Variants in CHCHD6 observed in about 807,000 individuals in gnomAD.
CHCHD6 encodes coiled-coil-helix-coiled-coil-helix domain containing 6.
Under a neutral mutation model 32.3 loss-of-function variants are expected in CHCHD6, and 28 were observed. That is an observed-to-expected ratio of 0.87 (90% CI 0.64 to 1.19). The LOEUF (loss-of-function observed/expected upper bound fraction) is 1.19, where lower values mean the gene tolerates loss of function less well. CHCHD6 is among the 50% of genes most tolerant of loss of function. The pLI is 0.00. For synonymous variants in CHCHD6, 122 were observed against 117.5 expected, an observed-to-expected ratio of 1.04 and a Z score of -0.25; for missense variants, 333 against 307.0, an observed-to-expected ratio of 1.08 and a Z score of -0.63.
At chr3:126,813,447 G>A (rs1040267171) in intron 4 of CHCHD6, among the ~76,000 whole-genome samples, 2 of 152,116 alleles carry the variant, frequency 1.3e-5, no homozygotes, top group Admixed American at 6.5e-5. Flanking sequence ...CTAAAGTTGC[G>A]ACTAACTCTC....
chr3:126,900,370 G>A (rs1022412656), intron 5 of CHCHD6, among the ~76,000 whole-genome samples: 20 of 152,268 alleles, frequency 1.3e-4, no homozygotes, highest in Admixed American at 5.2e-4. Context: ...AGCTTTCTGC[G>A]TTAGGCCATT....
At position 126,852,830 on chromosome 3, in the gene CHCHD6, A is replaced by C; in HGVS notation, c.495+100A>C. The C allele has an allele frequency of 6.3e-6, 5 of 797,924 alleles. No individual in the cohort carries two copies. The South Asian group carries it at 7.5e-5, about 12-fold the overall frequency. The allele number at this position is 797,924 out of a possible 1,614,324, so 49.4% of individuals were successfully genotyped here. ...GGGGGAGAGAGGAGTCCGCAGACCC[A>C]GTGCCCATTCGCCCAGATGCCAGTC... On this transcript the variant is annotated intron_variant, in intron 5 of 7. Transcript: ENST00000290913.
At chr3:126,810,893 G>C (rs1939626819) in intron 4 of CHCHD6, among the ~76,000 whole-genome samples, 1 of 152,176 alleles carries the variant, frequency 6.6e-6, no homozygotes, top group South Asian at 2.1e-4. Context: ...CAGGAGGAGA[G>C]GCTGGGCTCA....
chr3:126,749,046 C>G (rs1422956147), intron 4 of CHCHD6, among the ~76,000 whole-genome samples: 4 of 152,054 alleles, frequency 2.6e-5, no homozygotes, highest in Admixed American at 1.3e-4. Flanking sequence ...GGGAAGGAGA[C>G]AAAGAATGAG....
chr3:126,909,525 TGAA>T (rs1332470063), intron 5 of CHCHD6, among the ~76,000 whole-genome samples: 3 of 152,198 alleles, frequency 2.0e-5, no homozygotes, highest in Non-Finnish European at 4.4e-5. Context: ...GGGAAGTAAT[TGAA>T]GAAACACTGT....
At chr3:126,957,215 C>A (rs2078797927) in intron 6 of CHCHD6, 1 of 630,220 alleles carries the variant, frequency 1.6e-6, no homozygotes, top group Non-Finnish European at 2.8e-6. Flanking sequence ...AAGCCACCCA[C>A]CACAGGGCTT....
intron 4 of CHCHD6, among the ~76,000 whole-genome samples, chr3:126,746,630 C>T (rs555916517): frequency 5.9e-5 from 9 of 152,264 alleles, no homozygotes; most frequent in Admixed American, 5.9e-4. Flanking sequence ...ACCTTATCTT[C>T]GTGCTGACAC....
chr3:126,905,791 T>A (rs73207620), intron 5 of CHCHD6, among the ~76,000 whole-genome samples: 3,851 of 152,242 alleles, frequency 0.025, 60 homozygotes, highest in Middle Eastern at 0.061. Flanking sequence ...CTGAATTTGG[T>A]TGCAGCCTAA....
At chr3:126,839,712 A>G (rs1940996363) in intron 4 of CHCHD6, among the ~76,000 whole-genome samples, 1 of 151,926 alleles carries the variant, frequency 6.6e-6, no homozygotes, top group Admixed American at 6.6e-5. Flanking sequence ...TGGTCTCCCC[A>G]CCTCAGGCTT....
intron 5 of CHCHD6, among the ~76,000 whole-genome samples, chr3:126,872,127 T>C (rs1201321392): frequency 1.3e-5 from 2 of 152,204 alleles, no homozygotes; most frequent in Admixed American, 6.5e-5. Context: ...ACATATTTGG[T>C]TGTCATGACT....
At chr3:126,841,104 C>G (rs1941059757) in intron 4 of CHCHD6, among the ~76,000 whole-genome samples, 1 of 150,622 alleles carries the variant, frequency 6.6e-6, no homozygotes, top group African/African-American at 2.4e-5. Context: ...TCCATGTGAT[C>G]TCATTGTTCA....
At chr3:126,816,869 C>T (rs918152957) in intron 4 of CHCHD6, among the ~76,000 whole-genome samples, 2 of 152,048 alleles carry the variant, frequency 1.3e-5, no homozygotes, top group African/African-American at 4.8e-5. Context: ...CCCCTCTTCC[C>T]ACCCCACGAC....
At chr3:126,829,729 A>G (rs1940555186) in intron 4 of CHCHD6, among the ~76,000 whole-genome samples, 1 of 152,134 alleles carries the variant, frequency 6.6e-6, no homozygotes, top group Non-Finnish European at 1.5e-5. Flanking sequence ...GCAAGTAGGA[A>G]GAGAGCCCTT....
At chr3:126,756,472 A>G (rs1936961286) in intron 4 of CHCHD6, among the ~76,000 whole-genome samples, 1 of 152,162 alleles carries the variant, frequency 6.6e-6, no homozygotes, top group African/African-American at 2.4e-5. Flanking sequence ...TGTACATGCC[A>G]TATGCTGTAA....
chr3:126,779,592 G>C (rs1446026488), intron 4 of CHCHD6, among the ~76,000 whole-genome samples: 1 of 150,508 alleles, frequency 6.6e-6, no homozygotes, highest in African/African-American at 2.4e-5. Context: ...ATTTAGGTCT[G>C]TGATGTCTTT....
At chr3:126,828,113 C>T (rs996250898) in intron 4 of CHCHD6, among the ~76,000 whole-genome samples, 5 of 152,186 alleles carry the variant, frequency 3.3e-5, no homozygotes, top group African/African-American at 1.2e-4. Flanking sequence ...CCCACCATGA[C>T]GATTGGGCTC....
intron 5 of CHCHD6, among the ~76,000 whole-genome samples, chr3:126,902,512 C>T (rs537050312): frequency 1.1e-4 from 16 of 152,090 alleles, no homozygotes; most frequent in African/African-American, 2.9e-4. Context: ...GTCAGGAGAT[C>T]GAGACCATCC....
chr3:126,728,294 C>T (rs1935631061), intron 2 of CHCHD6, among the ~76,000 whole-genome samples: 1 of 152,144 alleles, frequency 6.6e-6, no homozygotes, highest in Non-Finnish European at 1.5e-5. Flanking sequence ...TGTTGTGATG[C>T]AACACTGGAA....
chr3:126,833,821 C>T (rs549506035), intron 4 of CHCHD6, among the ~76,000 whole-genome samples: 8 of 151,854 alleles, frequency 5.3e-5, no homozygotes, highest in Non-Finnish European at 1.2e-4. Flanking sequence ...TTTGGGAGGC[C>T]GAGGCGGGCG....
Sources: gnomAD v4.1 joint callset for allele counts (sites outside exome capture counted in the v4.1 genomes callset) on GRCh38, gnomAD v4.1.1 for gene constraint, MANE v1.5 for transcripts, NCBI Gene and HGNC (gene_info 2026-07-23, HGNC 2026-07-21) for gene names.